Variants in CD2 observed in about 807,000 individuals in gnomAD.
CD2 encodes T-cell surface antigen CD2.
In CD2, 18 loss-of-function variants were observed where a neutral mutation model predicts 23.2. That is an observed-to-expected ratio of 0.77 (90% CI 0.54 to 1.15). CD2 has a LOEUF of 1.15. CD2 is among the 50% of genes most tolerant of loss of function. The pLI, the probability that CD2 is intolerant of heterozygous loss-of-function variation, is 0.00. For synonymous variants in CD2, 162 were observed against 151.9 expected (o/e 1.07, Z -0.49); for missense variants, 424 against 423.1 (o/e 1.00, Z -0.02).
At chr1:116,756,991 C>CT (rs141857831) in intron 2 of CD2, among the ~76,000 whole-genome samples, 2,919 of 104,588 alleles carry the variant, frequency 0.028, 69 homozygotes, top group African/African-American at 0.07. Context: ...CCAAGCTTCT[C>CT]TTTTTTTTTT....
In CD2 at chr1:116,768,465, TGAG is replaced by T. The variant is rs1258295762; in HGVS notation, c.742_744del (p.Glu248del). ...TCTATTGAGGTTTTGTTGTTGCAGATGAGGAGCTGGAGACAAGAGCCCACAGAG... is the reference window on the plus strand; with the variant it reads ...TCTATTGAGGTTTTGTTGTTGCAGATGAGCTGGAGACAAGAGCCCACAGAG... On this transcript the variant is annotated inframe_deletion and splice_region_variant, in exon 5 of 5. Transcript: ENST00000369478. The T allele has an allele frequency of 6.2e-7, 1 of 1,612,772 alleles. No homozygotes were observed. The highest frequency in any genetic ancestry group is 8.5e-7 in the Non-Finnish European group (1 of 1,179,168).
In CD2 at chr1:116,756,819, A is replaced by G. The variant is rs534033466; in HGVS notation, c.382+1868A>G. On this transcript the variant is annotated intron_variant, in intron 2 of 4. Transcript: ENST00000369478. The stretch of plus-strand genomic sequence containing the variant: ...GGTCACTATTACCAGACTTAAGGTG[A>G]CCATGGCCTTGGGCAAATTCCCTAT... 2.0e-5 allele frequency among the ~76,000 whole-genome samples: 3 copies of G among 152,176 alleles called. No homozygotes were observed. In the South Asian group the frequency reaches 6.3e-4, roughly 32 times the overall value.
Position 116,768,765 on chromosome 1 carries a change from G to T in CD2, c.1038G>T (p.Leu346Phe). The change falls in exon 5 of 5, where the codon TTG becomes TTT. Residue 346 changes from leucine (L) to phenylalanine (F), a missense_variant. By Grantham distance (22) the Leu-to-Phe change is conservative. Transcript: ENST00000369478. ...CCCATGGGGCAGCAGAAAACTCATTGTCCCCTTCCTCTAATTAAAAAAGAT... is the reference window on the plus strand; with the variant it reads ...CCCATGGGGCAGCAGAAAACTCATTTTCCCCTTCCTCTAATTAAAAAAGAT... ...KPPHGAAENSLSPSSN is the reference protein window; with the variant it reads ...KPPHGAAENSFSPSSN 1 of 1,610,306 alleles carries T rather than the reference G, an allele frequency of 6.2e-7. No homozygotes were observed. The highest frequency in any genetic ancestry group is 8.5e-7 in the Non-Finnish European group (1 of 1,178,808).
intron 4 of CD2, among the ~76,000 whole-genome samples, chr1:116,766,494 G>T (rs1217555497): frequency 6.6e-6 from 1 of 152,160 alleles, no homozygotes; most frequent in Non-Finnish European, 1.5e-5. Flanking sequence ...AGGACAATTT[G>T]TGTCTAAGTC....
rs138437916 is a variant in CD2, at chr1:116,760,488, A to G, written c.469A>G (p.Asn157Asp). The G allele has an allele frequency of 1.9e-6, 3 of 1,614,108 alleles. No homozygotes were observed. In the African/African-American group the frequency reaches 4.0e-5, roughly 22 times the overall value. Residue 157 changes from asparagine to aspartate, a missense_variant, in exon 3 of 5, where the codon AAC becomes GAC. By Grantham distance (23) the Asn-to-Asp change is conservative. Coordinates refer to ENST00000369478, the MANE Select transcript of CD2 (RefSeq NM_001767.5). ...AATGAATGGAACTGACCCCGAATTA[A>G]ACCTGTATCAAGATGGGAAACATCT... is the stretch of plus-strand genomic sequence containing the variant. Reference protein sequence around the residue: ...EVMNGTDPELNLYQDGKHLKL... With the variant: ...EVMNGTDPELDLYQDGKHLKL...
chr1:116,762,560 G>A (rs527868539), intron 3 of CD2, among the ~76,000 whole-genome samples: 2 of 152,334 alleles, frequency 1.3e-5, no homozygotes, highest in Admixed American at 6.5e-5. Context: ...CCAAGGCAGA[G>A]AGGAGCAATG....
intron 2 of CD2, among the ~76,000 whole-genome samples, chr1:116,757,549 A>T (rs1393485465): frequency 1.3e-5 from 2 of 152,144 alleles, no homozygotes; most frequent in Non-Finnish European, 2.9e-5. Flanking sequence ...TATTCATGTT[A>T]GCGAAATACT....
At position 116,754,656 on chromosome 1, in the gene CD2, T is replaced by C; in HGVS notation, c.87T>C (p.Asn29=). ...GTGCAGTCTCCAAAGAGATTACGAA[T>C]GCCTTGGAAACCTGGGGTGCCTTGG... ...SKGAVSKEIT[N]ALETWGALGQ... The change falls in exon 2 of 5, where the codon AAT becomes AAC. Residue 29 remains asparagine (N), a synonymous_variant. Transcript: ENST00000369478. The C allele has an allele frequency of 6.2e-7, 1 of 1,607,450 alleles. No homozygotes were observed. Among genetic ancestry groups the C allele is most frequent in the Non-Finnish European group, 8.5e-7 (1 of 1,178,202 alleles).
chr1:116,760,198 G>A (rs1282522253), intron 2 of CD2, among the ~76,000 whole-genome samples: 1 of 152,178 alleles, frequency 6.6e-6, no homozygotes, highest in Non-Finnish European at 1.5e-5. Flanking sequence ...GTGGCATAAT[G>A]TATCTGTGAA....
At chr1:116,765,669 C>T (rs1652195486) in intron 4 of CD2, among the ~76,000 whole-genome samples, 2 of 152,220 alleles carry the variant, frequency 1.3e-5, no homozygotes, top group South Asian at 4.1e-4. Flanking sequence ...CTGGCAGGGC[C>T]CTTAGGCATG....
intron 2 of CD2, among the ~76,000 whole-genome samples, chr1:116,759,201 C>T (rs985136849): frequency 1.1e-4 from 17 of 152,112 alleles, no homozygotes; most frequent in Admixed American, 7.2e-4. Context: ...TTCTCAGTAA[C>T]GCAGAATCTT....
intron 3 of CD2, among the ~76,000 whole-genome samples, chr1:116,763,622 T>C (rs530106596): frequency 3.3e-5 from 5 of 152,316 alleles, no homozygotes; most frequent in African/African-American, 1.2e-4. Context: ...CATTATCTGA[T>C]TGACTTCCAA....
At chr1:116,763,826 T>A (rs1048940589) in intron 3 of CD2, among the ~76,000 whole-genome samples, 2 of 152,122 alleles carry the variant, frequency 1.3e-5, no homozygotes, top group Admixed American at 6.5e-5. Flanking sequence ...AACTGAAGAC[T>A]AAGCCCACTG....
chr1:116,756,310 G>A (rs1037942003), intron 2 of CD2, among the ~76,000 whole-genome samples: 4 of 152,194 alleles, frequency 2.6e-5, no homozygotes, highest in South Asian at 2.1e-4. Flanking sequence ...CCCTACGCGG[G>A]GGACCATGCT....
chr1:116,764,206 G>A (rs1405554034), intron 3 of CD2, among the ~76,000 whole-genome samples: 2 of 152,060 alleles, frequency 1.3e-5, no homozygotes, highest in African/African-American at 2.4e-5. Flanking sequence ...TTTCCATGAC[G>A]GGGGCAGTGG....
At chr1:116,762,073 T>G (rs549372440) in intron 3 of CD2, among the ~76,000 whole-genome samples, 1 of 152,182 alleles carries the variant, frequency 6.6e-6, no homozygotes. Context: ...CAAACTATCC[T>G]CCCACCTCAG....
chr1:116,761,619 G>C (rs961184935), intron 3 of CD2, among the ~76,000 whole-genome samples: 4 of 152,186 alleles, frequency 2.6e-5, no homozygotes, highest in Non-Finnish European at 5.9e-5. Context: ...GCTGTGTTCT[G>C]TTCATTAGAA....
intron 4 of CD2, among the ~76,000 whole-genome samples, chr1:116,767,591 CA>C (rs573721647): frequency 0.11 from 8,119 of 71,686 alleles, 610 homozygotes; most frequent in African/African-American, 0.29. Context: ...AACTTCAACT[CA>C]AAAAAAAAAA....
In CD2 at chr1:116,760,432, C is replaced by G. The variant is rs563583333; in HGVS notation, c.413C>G (p.Thr138Ser). ...GTCTCAAAACCAAAGATCTCCTGGA[C>G]TTGTATCAACACAACCCTGACCTGT... ...ERVSKPKISW[T>S]CINTTLTCEV... Residue 138 changes from threonine to serine, a missense_variant, in exon 3 of 5, where the codon ACT (threonine) becomes AGT (serine). Physicochemically the swap from Thr to Ser is moderately conservative, Grantham distance 58. Coordinates refer to ENST00000369478, the MANE Select transcript of CD2 (RefSeq NM_001767.5). 6.2e-7 allele frequency: 1 copy of G among 1,614,142 alleles called. No individual in the cohort carries two copies. Among genetic ancestry groups the G allele is most frequent in the Non-Finnish European group, 8.5e-7 (1 of 1,179,996 alleles).
Sources: allele counts gnomAD v4.1 joint callset (sites outside exome capture counted in the v4.1 genomes callset), GRCh38; gene constraint gnomAD v4.1.1; transcripts MANE v1.5; gene names NCBI Gene and HGNC (gene_info 2026-07-23, HGNC 2026-07-21).